PKP3: variants seen among roughly 807,000 people sequenced by gnomAD.
PKP3 encodes plakophilin-3.
A neutral mutation model predicts 76.5 loss-of-function variants in PKP3; 66 were observed. That is an observed-to-expected ratio of 0.86 (90% CI 0.71 to 1.06). PKP3 has a LOEUF of 1.06. Among genes scored for constraint, PKP3 ranks in the 50% least tolerant of loss-of-function variants. The pLI, the probability that PKP3 is intolerant of heterozygous loss-of-function variation, is 0.00. For missense variants in PKP3, 1,338 were observed against 1,141.0 expected, an observed-to-expected ratio of 1.17 and a Z score of -2.49; for synonymous variants, 638 against 516.5, an observed-to-expected ratio of 1.24 and a Z score of -3.19.
chr11:392,726 TC>T (rs749935163), upstream of PKP3: 3 of 1,255,648 alleles, frequency 2.4e-6, no homozygotes, highest in South Asian at 2.5e-5. Flanking sequence ...TCCCACCCCT[TC>T]CCCACCACCC....
At position 397,072 on chromosome 11, in the gene PKP3, C is replaced by T. The variant is rs368018991; in HGVS notation, c.571C>T (p.Leu191=). 7 of 1,598,674 alleles carry T rather than the reference C, an allele frequency of 4.4e-6. No individual in the cohort carries two copies. In the African/African-American group the frequency reaches 6.7e-5, roughly 15 times the overall value. Reference sequence around the variant, plus strand: ...CTCGCTGCGGCTGGGGCCCGGGGGCCTGGACGACCGCTACAGCCTGGTGTC... The same window carrying T: ...CTCGCTGCGGCTGGGGCCCGGGGGCTTGGACGACCGCTACAGCCTGGTGTC... ...LRSLRLGPGG[L]DDRYSLVSEQ... Residue 191 remains leucine, a synonymous_variant, in exon 3 of 13, where the codon CTG becomes TTG. Transcript: ENST00000331563.
chr11:403,487 T>C, intron 9 of PKP3, 131 bp from the exon 10 acceptor site: 1 of 942,648 alleles, frequency 1.1e-6, no homozygotes, highest in Non-Finnish European at 1.6e-6. Flanking sequence ...TCCCCCCGGC[T>C]GGGGGGCAAA....
At chr11:394,143 C>T (rs547220263), upstream of PKP3, 16 of 1,223,324 alleles carry the variant, frequency 1.3e-5, no homozygotes, top group African/African-American at 1.6e-5. Context: ...CCCCCAGCTG[C>T]GCTCAGGGCT....
chr11:398,135 A>G (rs1338313938), intron 4 of PKP3, among the ~76,000 whole-genome samples: 1 of 50,952 alleles, frequency 2.0e-5, no homozygotes, highest in Non-Finnish European at 3.5e-5. Context: ...ACCCCCACAT[A>G]TACCTCATCA....
Position 404,517 on chromosome 11 carries a change from G to A in PKP3, c.2359-17G>A. On this transcript the variant is annotated splice_polypyrimidine_tract_variant and intron_variant, in intron 12 of 12. Transcript: ENST00000331563. The surrounding 1 kb of genome is among the most constrained non-coding windows in gnomAD (Gnocchi z 4.2). Reference sequence around the variant, plus strand: ...GGGCAGACATGCACCCTGACCTTGGGCCTCTCTCCACTGTAGAAGGGCTAT... The same window carrying A: ...GGGCAGACATGCACCCTGACCTTGGACCTCTCTCCACTGTAGAAGGGCTAT... 1.2e-6 allele frequency: 2 copies of A among 1,612,348 alleles called. No individual in the cohort carries two copies. The highest frequency in any genetic ancestry group is 8.5e-7 in the Non-Finnish European group (1 of 1,179,592).
chr11:404,132 A>C lies in PKP3; in HGVS notation c.2267A>C (p.Asp756Ala). Residue 756 changes from aspartate (D) to alanine (A), a missense_variant, in exon 11 of 13, where the codon GAC becomes GCC. Coordinates refer to ENST00000331563, the MANE Select transcript of PKP3 (RefSeq NM_007183.4). This position sits in a 1 kb window ranked among gnomAD's most constrained non-coding sequence, Gnocchi z 4.2. ...RKLIFIKKKR[D>A]SPDSEKSSRA... is the part of the protein sequence containing the mutation. The stretch of plus-strand genomic sequence containing the variant: ...CTCATCTTCATCAAGAAGAAGCGGG[A>C]CAGGTAGGGGCCGACCCAGCCGTGC... 1.2e-6 allele frequency: 2 copies of C among 1,609,610 alleles called. No homozygotes were observed. Among genetic ancestry groups the C allele is most frequent in the South Asian group, 2.2e-5 (2 of 90,872 alleles).
Position 397,689 on chromosome 11 carries a change from GC to G in PKP3, c.1068+32del. On this transcript the variant is annotated intron_variant, in intron 4 of 12. Coordinates refer to ENST00000331563, the MANE Select transcript of PKP3 (RefSeq NM_007183.4). ...TGACCACCCCGACCACCCACTCGCTGCCCCCTGGTGACCTCCTTCGTGGGCC... is the reference window on the plus strand; with the variant it reads ...TGACCACCCCGACCACCCACTCGCTGCCCCTGGTGACCTCCTTCGTGGGCC... 5 of 1,602,836 alleles carry G rather than the reference GC, an allele frequency of 3.1e-6. No individual in the cohort carries two copies. In the South Asian group the frequency reaches 3.3e-5, roughly 11 times the overall value.
In PKP3 at chr11:396,858, G is replaced by C; in HGVS notation, c.357G>C (p.Trp119Cys). 6.2e-7 allele frequency: 1 copy of C among 1,600,540 alleles called. No individual in the cohort carries two copies. Among genetic ancestry groups the C allele is most frequent in the Non-Finnish European group, 8.5e-7 (1 of 1,177,002 alleles). Residue 119 changes from tryptophan to cysteine, a missense_variant, in exon 3 of 13, where the codon TGG (tryptophan) becomes TGC (cysteine). Trp to Cys is a radical substitution (Grantham distance 215). Coordinates refer to ENST00000331563, the MANE Select transcript of PKP3 (RefSeq NM_007183.4). ...IAKPAYSPAS[W>C]SSRSAVDLSC... Reference sequence around the variant, plus strand: ...AGCCGGCCTACAGCCCAGCCTCCTGGTCCTCCCGCTCCGCCGTGGATCTGA... The same window carrying C: ...AGCCGGCCTACAGCCCAGCCTCCTGCTCCTCCCGCTCCGCCGTGGATCTGA...
chr11:404,242 C>T lies in PKP3; in HGVS notation c.2277C>T (p.Asp759=), dbSNP rs752235156. Residue 759 remains aspartate, a synonymous_variant, in exon 12 of 13, where the codon GAC becomes GAT. Transcript: ENST00000331563. The surrounding 1 kb of genome is among the most constrained non-coding windows in gnomAD (Gnocchi z 4.2). ...IFIKKKRDSP[D]SEKSSRAASS... ...GACTGCCCTCCACCCTCAGCCCCGACAGTGAGAAGTCCTCCCGGGCAGCAT... is the reference window on the plus strand; with the variant it reads ...GACTGCCCTCCACCCTCAGCCCCGATAGTGAGAAGTCCTCCCGGGCAGCAT... 1 of 1,612,500 alleles carries T rather than the reference C, an allele frequency of 6.2e-7. No individual in the cohort carries two copies. Among genetic ancestry groups the T allele is most frequent in the South Asian group, 1.1e-5 (1 of 91,072 alleles).
intron 5 of PKP3, among the ~76,000 whole-genome samples, chr11:399,563 C>G (rs1169154939): frequency 4.2e-5 from 4 of 94,694 alleles, no homozygotes; most frequent in Non-Finnish European, 8.4e-5. Context: ...TCCCCCTCCT[C>G]CTGTCCCTCC....
At chr11:396,786 G>A (rs753292327) in intron 2 of PKP3, 28 bp from the exon 3 acceptor site, 19 of 1,565,152 alleles carry the variant, frequency 1.2e-5, no homozygotes, top group Non-Finnish European at 1.6e-5. Flanking sequence ...GCCCAGGCAC[G>A]CCCTCACCGC....
intron 5 of PKP3, among the ~76,000 whole-genome samples, chr11:399,617 C>T (rs1302115447): frequency 1.5e-5 from 2 of 137,772 alleles, no homozygotes; most frequent in Admixed American, 7.4e-5. Context: ...CCACCTCATT[C>T]GGTTCCCCTC....
Position 397,239 on chromosome 11 carries a change from T to C in PKP3, c.738T>C (p.Pro246=). The C allele has an allele frequency of 6.3e-7, 1 of 1,599,808 alleles. No individual in the cohort carries two copies. The highest frequency in any genetic ancestry group is 8.5e-7 in the Non-Finnish European group (1 of 1,178,710). ...EVSPSRTIRA[P]AVRTLQRFQS... ...CCCCGAGCCGGACCATCCGTGCCCC[T>C]GCCGTGCGGACCCTGCAGCGATTCC... The change falls in exon 3 of 13, where the codon CCT becomes CCC. Residue 246 remains proline (P), a synonymous_variant. Coordinates refer to ENST00000331563, the MANE Select transcript of PKP3 (RefSeq NM_007183.4).
At chr11:394,634 A>G in intron 1 of PKP3, 110 bp downstream of exon 1, 1 of 928,578 alleles carries the variant, frequency 1.1e-6, no homozygotes, top group Non-Finnish European at 1.5e-6. Context: ...CTGACTCACC[A>G]GGCCTCACAC....
At chr11:397,816 A>T in intron 4 of PKP3, 154 bp downstream of exon 4, 1 of 705,318 alleles carries the variant, frequency 1.4e-6, no homozygotes, top group Non-Finnish European at 2.3e-6. Context: ...GCAGAGGAAG[A>T]GCAGAAGGAT....
At position 404,233 on chromosome 11, in the gene PKP3, C is replaced by G; in HGVS notation, c.2271-3C>G. 6.2e-7 allele frequency: 1 copy of G among 1,612,432 alleles called. No homozygotes were observed. The highest frequency in any genetic ancestry group is 8.5e-7 in the Non-Finnish European group (1 of 1,179,666). ...TCCCCTCCTGACTGCCCTCCACCCT[C>G]AGCCCCGACAGTGAGAAGTCCTCCC... On this transcript the variant is annotated splice_polypyrimidine_tract_variant and splice_region_variant and intron_variant, in intron 11 of 12. Transcript: ENST00000331563. The surrounding 1 kb of genome is among the most constrained non-coding windows in gnomAD (Gnocchi z 4.2).
rs201452798 is a variant in PKP3 at position 403,798 on chromosome 11, C to T, written c.2077+27C>T. ...TGAGTCGGGCAGCCCCTCGTCCCTGCCCTGCTGGACCCACATGTCAATTTT... is the reference window on the plus strand; with the variant it reads ...TGAGTCGGGCAGCCCCTCGTCCCTGTCCTGCTGGACCCACATGTCAATTTT... On this transcript the variant is annotated intron_variant, in intron 10 of 12. Coordinates refer to ENST00000331563, the MANE Select transcript of PKP3 (RefSeq NM_007183.4). The T allele has an allele frequency of 2.6e-3, 4,134 of 1,601,180 alleles. 29 individuals carry two copies. Among genetic ancestry groups the T allele is most frequent in the South Asian group, 0.015 (1,382 of 91,024 alleles).
chr11:404,015 T>A lies in PKP3; in HGVS notation c.2150T>A (p.Val717Glu). ...SVGEKSPPAE[V>E]LVNIIAVLNN... is the part of the protein sequence containing the mutation. ...GGTGAGAAGTCGCCCCCAGCCGAGGTGCTGGTCAACATCATAGCTGTGCTC... is the reference window on the plus strand; with the variant it reads ...GGTGAGAAGTCGCCCCCAGCCGAGGAGCTGGTCAACATCATAGCTGTGCTC... The change falls in exon 11 of 13, where the codon GTG becomes GAG. Residue 717 changes from valine (V) to glutamate (E), a missense_variant. Transcript: ENST00000331563. This position sits in a 1 kb window ranked among gnomAD's most constrained non-coding sequence, Gnocchi z 4.2. The A allele has an allele frequency of 6.2e-7, 1 of 1,611,954 alleles. No homozygotes were observed. The highest frequency in any genetic ancestry group is 8.5e-7 in the Non-Finnish European group (1 of 1,179,388).
intron 10 of PKP3, 77 bp from the exon 11 acceptor site, chr11:403,866 C>A: frequency 1.3e-6 from 2 of 1,570,186 alleles, no homozygotes. Context: ...CAGTCCAGCT[C>A]CCTGGGGGAG....
Sources: allele counts gnomAD v4.1 joint callset (sites outside exome capture counted in the v4.1 genomes callset), GRCh38; gene constraint gnomAD v4.1.1; non-coding constraint Gnocchi (gnomAD v3.1); transcripts MANE v1.5; gene names NCBI Gene and HGNC (gene_info 2026-07-23, HGNC 2026-07-21).